Variants in PADI2 observed in about 807,000 individuals in gnomAD.
The protein encoded by PADI2 is protein-arginine deiminase type-2.
PADI2 carries 70 observed loss-of-function variants against 81.1 expected under a neutral mutation model. That is an observed-to-expected ratio of 0.86 (90% CI 0.71 to 1.05). The LOEUF (loss-of-function observed/expected upper bound fraction) is 1.05, where lower values mean the gene tolerates loss of function less well. Among genes scored for constraint, PADI2 ranks in the 50% least tolerant of loss-of-function variants. PADI2 has a pLI of 0.00. For missense variants in PADI2, 853 were observed against 889.9 expected, an observed-to-expected ratio of 0.96 and a Z score of 0.53; for synonymous variants, 338 against 358.0, an observed-to-expected ratio of 0.94 and a Z score of 0.63.
At chr1:17,079,547 TTCC>T (rs2078328700) in intron 10 of PADI2, 132 bp from the exon 11 acceptor site, 1 of 668,088 alleles carries the variant, frequency 1.5e-6, no homozygotes, top group Non-Finnish European at 2.5e-6. Context: ...GTCCACGGTC[TTCC>T]TATGATTAAC....
chr1:17,083,822 G>A lies in PADI2; in HGVS notation c.954C>T (p.Tyr318=). 1.2e-6 allele frequency: 2 copies of A among 1,608,500 alleles called. No homozygotes were observed. Among genetic ancestry groups the A allele is most frequent in the Non-Finnish European group, 1.7e-6 (2 of 1,174,872 alleles). Residue 318 remains tyrosine (Y), a synonymous_variant, in exon 9 of 16, where the codon TAC becomes TAT. Transcript: ENST00000375486. The part of the protein sequence containing the change: ...SVFVCCMKDN[Y]LFLKEVKNLV... ...GGTTCTTCACCTCTTTCAGGAACAG[G>A]TAATTATCCTTCATGCTGAGAAGTT...
In PADI2 at chr1:17,079,390, C is replaced by T. The variant is rs776668283; in HGVS notation, c.1184G>A (p.Arg395Gln). 53 of 1,613,828 alleles carry T rather than the reference C, an allele frequency of 3.3e-5. No homozygotes were observed. The highest frequency in any genetic ancestry group is 1.8e-4 in the South Asian group (16 of 91,064). The change falls in exon 11 of 16, where the codon CGG (arginine) becomes CAG (glutamine). Residue 395 changes from arginine to glutamine, a missense_variant. Transcript: ENST00000375486. ...LLGPDFGYVTREPLFESVTSL... is the reference protein window; with the variant it reads ...LLGPDFGYVTQEPLFESVTSL... ...GGTGACAGACTCAAAGAGGGGCTCC[C>T]GGGTCACGTAGCCAAAATCTGGGCC... is the stretch of plus-strand genomic sequence containing the variant.
intron 3 of PADI2, among the ~76,000 whole-genome samples, chr1:17,096,683 T>A (rs1930944636): frequency 6.6e-6 from 1 of 152,174 alleles, no homozygotes. Flanking sequence ...ACAGGCTTTG[T>A]GGAGACTGTA....
At chr1:17,109,756 G>T (rs1233796147) in intron 1 of PADI2, among the ~76,000 whole-genome samples, 2 of 152,154 alleles carry the variant, frequency 1.3e-5, no homozygotes, top group Non-Finnish European at 2.9e-5. Context: ...CTCCCAAAGT[G>T]CTGGGATTAC....
intron 9 of PADI2, chr1:17,082,939 T>C (rs2101583500): frequency 3.6e-6 from 1 of 279,030 alleles, no homozygotes; most frequent in African/African-American, 2.2e-5. Context: ...GCCATGATTA[T>C]GGCCCACTGC....
chr1:17,089,291 T>TG (rs1219790428), intron 6 of PADI2, among the ~76,000 whole-genome samples: 5 of 152,242 alleles, frequency 3.3e-5, no homozygotes, highest in African/African-American at 1.2e-4. Context: ...CCTGCAGCCC[T>TG]GTCAGTCAGT....
chr1:17,071,925 C>G (rs1262174765), intron 13 of PADI2, among the ~76,000 whole-genome samples: 1 of 152,214 alleles, frequency 6.6e-6, no homozygotes, highest in Non-Finnish European at 1.5e-5. Flanking sequence ...TCTGGAGTGG[C>G]CTGCGTTTTC....
chr1:17,069,845 C>T (rs1444478559), intron 15 of PADI2, among the ~76,000 whole-genome samples: 3 of 152,238 alleles, frequency 2.0e-5, no homozygotes. Flanking sequence ...TTTTGCACAG[C>T]ACTTTCCTAT....
At chr1:17,104,580 A>G (rs1368321715) in intron 2 of PADI2, among the ~76,000 whole-genome samples, 2 of 151,000 alleles carry the variant, frequency 1.3e-5, no homozygotes, top group African/African-American at 2.4e-5. Flanking sequence ...GTCTACAGGC[A>G]CCCGCCCCAT....
At chr1:17,102,143 C>T (rs568293165) in intron 3 of PADI2, among the ~76,000 whole-genome samples, 9 of 152,208 alleles carry the variant, frequency 5.9e-5, no homozygotes, top group African/African-American at 1.4e-4. Context: ...CTCTGCCATG[C>T]GGCAACTCTG....
intron 15 of PADI2, 146 bp downstream of exon 15, chr1:17,069,942 G>A (rs910816581): frequency 6.0e-6 from 5 of 833,490 alleles, no homozygotes; most frequent in Admixed American, 3.1e-5. Context: ...CCCAGAGAGG[G>A]CAAGTGCCTG....
chr1:17,091,971 C>T (rs1175093210), intron 6 of PADI2, among the ~76,000 whole-genome samples: 1 of 152,162 alleles, frequency 6.6e-6, no homozygotes, highest in Non-Finnish European at 1.5e-5. Context: ...ACAGTGGGGG[C>T]CCAGGACATC....
intron 1 of PADI2, among the ~76,000 whole-genome samples, chr1:17,116,184 G>A (rs1931755062): frequency 6.6e-6 from 1 of 152,256 alleles, no homozygotes. Context: ...CCCGTGGATG[G>A]AAGCTGGTAG....
chr1:17,080,364 G>A (rs746984289), intron 10 of PADI2, among the ~76,000 whole-genome samples: 4 of 152,214 alleles, frequency 2.6e-5, no homozygotes, highest in Non-Finnish European at 5.9e-5. Context: ...CCCCACGTGT[G>A]TCTGCCAACT....
chr1:17,076,939 C>T (rs2078308005), intron 11 of PADI2, among the ~76,000 whole-genome samples: 1 of 152,126 alleles, frequency 6.6e-6, no homozygotes, highest in South Asian at 2.1e-4. Flanking sequence ...CCGAAGATAA[C>T]CCTAGCTCCT....
At chr1:17,073,286 G>A (rs997000006) in intron 13 of PADI2, among the ~76,000 whole-genome samples, 87 of 151,794 alleles carry the variant, frequency 5.7e-4, no homozygotes, top group African/African-American at 1.7e-3. Context: ...GCGTGGTGGC[G>A]GGCGCCTGTA....
intron 1 of PADI2, among the ~76,000 whole-genome samples, chr1:17,112,863 T>C (rs11203301): frequency 0.77 from 117,522 of 151,880 alleles, 46,362 homozygotes; most frequent in East Asian, 0.95. Flanking sequence ...CTGAACGATG[T>C]ATTCAAAGCC....
intron 6 of PADI2, among the ~76,000 whole-genome samples, chr1:17,087,492 G>A (rs2311482): frequency 0.32 from 47,443 of 147,950 alleles, 8,098 homozygotes; most frequent in East Asian, 0.58. Flanking sequence ...TTGTTTGTTT[G>A]TTTATTTATT....
chr1:17,072,098 T>G (rs2078268504), intron 13 of PADI2, among the ~76,000 whole-genome samples: 1 of 152,148 alleles, frequency 6.6e-6, no homozygotes, highest in African/African-American at 2.4e-5. Flanking sequence ...CCCTGAAAAA[T>G]GAGGAAACTG....
Sources: allele counts gnomAD v4.1 joint callset (sites outside exome capture counted in the v4.1 genomes callset), GRCh38; gene constraint gnomAD v4.1.1; transcripts MANE v1.5; gene names NCBI Gene and HGNC (gene_info 2026-07-23, HGNC 2026-07-21).